FBXL7: variants seen among roughly 807,000 people sequenced by gnomAD.
FBXL7 encodes F-box and leucine rich repeat protein 7.
Under a neutral mutation model 38.3 loss-of-function variants are expected in FBXL7, and 12 were observed. The ratio of observed to expected loss-of-function variants is 0.31; its 90% CI spans 0.20 to 0.51. The LOEUF (loss-of-function observed/expected upper bound fraction) is 0.51, where lower values mean the gene tolerates loss of function less well. Among genes scored for constraint, FBXL7 ranks in the 20% least tolerant of loss-of-function variants. The pLI is 0.98. For synonymous variants in FBXL7, 297 were observed against 300.9 expected (o/e 0.99, Z 0.13); for missense variants, 567 against 676.4 (o/e 0.84, Z 1.79).
intron 1 of FBXL7, among the ~76,000 whole-genome samples, chr5:15,612,552 T>G (rs6864426): frequency 0.18 from 27,669 of 152,118 alleles, 2,634 homozygotes; most frequent in African/African-American, 0.22. Context: ...ATTTTCATGA[T>G]AATCTTAAAA....
At chr5:15,691,699 T>C (rs1743188759) in intron 2 of FBXL7, among the ~76,000 whole-genome samples, 3 of 152,242 alleles carry the variant, frequency 2.0e-5, no homozygotes, top group African/African-American at 7.2e-5. Flanking sequence ...CTAGCTGTTA[T>C]GATTTACCCC....
At chr5:15,773,944 C>T (rs538723854) in intron 2 of FBXL7, among the ~76,000 whole-genome samples, 4 of 151,982 alleles carry the variant, frequency 2.6e-5, no homozygotes, top group African/African-American at 9.6e-5. Flanking sequence ...TTCTTAGATT[C>T]CCTTTCCTTC....
At chr5:15,817,499 G>A (rs529400155) in intron 2 of FBXL7, among the ~76,000 whole-genome samples, 78 of 152,206 alleles carry the variant, frequency 5.1e-4, no homozygotes, top group African/African-American at 1.8e-3. Context: ...TGAGAAATAA[G>A]GGCTGATATG....
chr5:15,830,485 AACACACACACACACACAC>A (rs57825713), intron 2 of FBXL7, among the ~76,000 whole-genome samples: 3 of 144,300 alleles, frequency 2.1e-5, no homozygotes, highest in Admixed American at 6.9e-5. Flanking sequence ...CTCCATCTAA[AACACACACACACACACAC>A]ACACACACAC....
chr5:15,851,158 A>G (rs1375689040), intron 2 of FBXL7, among the ~76,000 whole-genome samples: 10 of 152,224 alleles, frequency 6.6e-5, no homozygotes, highest in African/African-American at 2.4e-4. Context: ...ACGTGCTGCC[A>G]GGTCCGTTCA....
intron 2 of FBXL7, among the ~76,000 whole-genome samples, chr5:15,882,152 A>G (rs1048171639): frequency 2.0e-5 from 3 of 152,182 alleles, no homozygotes; most frequent in Non-Finnish European, 4.4e-5. Context: ...CCATGATCCA[A>G]TCACCTCCAA....
At chr5:15,767,072 G>T (rs1319504308) in intron 2 of FBXL7, among the ~76,000 whole-genome samples, 2 of 151,886 alleles carry the variant, frequency 1.3e-5, no homozygotes, top group Non-Finnish European at 2.9e-5. Context: ...GCAAACATGT[G>T]CCATGGTGAT....
intron 2 of FBXL7, among the ~76,000 whole-genome samples, chr5:15,813,828 G>A (rs1579486203): frequency 2.0e-5 from 3 of 152,218 alleles, no homozygotes; most frequent in Non-Finnish European, 2.9e-5. Context: ...TGAAAAAAAA[G>A]CTCATCATCA....
chr5:15,644,915 C>G (rs919724507), intron 2 of FBXL7, among the ~76,000 whole-genome samples: 1 of 152,050 alleles, frequency 6.6e-6, no homozygotes, highest in Non-Finnish European at 1.5e-5. Context: ...CAGTGGAAGC[C>G]CACAAGCTCC....
intron 2 of FBXL7, among the ~76,000 whole-genome samples, chr5:15,772,773 C>A (rs1031120735): frequency 5.3e-5 from 8 of 152,164 alleles, no homozygotes; most frequent in Non-Finnish European, 7.3e-5. Context: ...CAAATATCCT[C>A]TATTATATCC....
At chr5:15,927,072 C>G (rs1003022092) in intron 2 of FBXL7, among the ~76,000 whole-genome samples, 3 of 151,896 alleles carry the variant, frequency 2.0e-5, no homozygotes, top group African/African-American at 7.3e-5. Context: ...CTACCGTAAT[C>G]CCCGTTCATG....
intron 1 of FBXL7, among the ~76,000 whole-genome samples, chr5:15,553,524 C>G (rs932494256): frequency 2.0e-5 from 3 of 152,276 alleles, no homozygotes; most frequent in Admixed American, 6.5e-5. Context: ...GGGATACTAT[C>G]GGGAATTTCT....
chr5:15,920,513 AT>A (rs1741711822), intron 2 of FBXL7, among the ~76,000 whole-genome samples: 1 of 150,468 alleles, frequency 6.6e-6, no homozygotes, highest in South Asian at 2.1e-4. Flanking sequence ...TGGGTTTGTT[AT>A]TTTTTGTTTG....
chr5:15,860,555 C>T (rs1487640621), intron 2 of FBXL7, among the ~76,000 whole-genome samples: 2 of 152,256 alleles, frequency 1.3e-5, no homozygotes, highest in East Asian at 3.9e-4. Flanking sequence ...TTCGGATAAG[C>T]TTATGCAAAT....
At chr5:15,616,920 T>C (rs1740472354) in intron 2 of FBXL7, among the ~76,000 whole-genome samples, 1 of 152,216 alleles carries the variant, frequency 6.6e-6, no homozygotes. Context: ...CATGACATTG[T>C]GTAGCGCCTG....
At chr5:15,749,929 A>G (rs991376019) in intron 2 of FBXL7, among the ~76,000 whole-genome samples, 1 of 152,200 alleles carries the variant, frequency 6.6e-6, no homozygotes. Flanking sequence ...ACTTGCAGGT[A>G]AGGGACAAGT....
At chr5:15,782,784 A>T (rs977884621) in intron 2 of FBXL7, among the ~76,000 whole-genome samples, 1 of 152,114 alleles carries the variant, frequency 6.6e-6, no homozygotes, top group Non-Finnish European at 1.5e-5. Flanking sequence ...TGAAAAGTTG[A>T]GGAATATTTT....
At chr5:15,634,380 A>C (rs927671391) in intron 2 of FBXL7, among the ~76,000 whole-genome samples, 2 of 139,610 alleles carry the variant, frequency 1.4e-5, no homozygotes, top group African/African-American at 5.4e-5. Flanking sequence ...GGAGTGCAGC[A>C]GTGCGATCTC....
At chr5:15,589,494 C>T (rs533434179) in intron 1 of FBXL7, among the ~76,000 whole-genome samples, 3 of 152,202 alleles carry the variant, frequency 2.0e-5, no homozygotes, top group Non-Finnish European at 2.9e-5. Context: ...GAGGCTTCCC[C>T]GGCTATGCTT....
Sources: gnomAD v4.1 joint callset for allele counts (sites outside exome capture counted in the v4.1 genomes callset) on GRCh38, gnomAD v4.1.1 for gene constraint, MANE v1.5 for transcripts, NCBI Gene and HGNC (gene_info 2026-07-23, HGNC 2026-07-21) for gene names.